The following SLC13A3 variants were observed in gnomAD, a reference collection of about 807,000 sequenced individuals.
SLC13A3 encodes Na(+)/dicarboxylate cotransporter 3.
Under a neutral mutation model 59.0 loss-of-function variants are expected in SLC13A3, and 40 were observed. That is an observed-to-expected ratio of 0.68 (90% CI 0.53 to 0.88). The LOEUF is 0.88. SLC13A3 is among the 40% of genes least tolerant of loss of function. The pLI is 0.00. For synonymous variants in SLC13A3, 317 were observed against 330.3 expected (o/e 0.96, Z 0.44); for missense variants, 699 against 783.2 (o/e 0.89, Z 1.28).
intron 9 of SLC13A3, chr20:46,582,771 T>C: frequency 3.0e-6 from 3 of 985,420 alleles, no homozygotes; most frequent in Non-Finnish European, 3.6e-6. Context: ...AGTTTGATTA[T>C]AGTCCCTATT....
chr20:46,613,436 G>T (rs950758765), intron 2 of SLC13A3, 24 bp downstream of exon 2: 4 of 1,556,224 alleles, frequency 2.6e-6, no homozygotes, highest in South Asian at 1.2e-5. Context: ...CCGCTGTAGG[G>T]CTGGAACCAT....
intron 1 of SLC13A3, among the ~76,000 whole-genome samples, chr20:46,620,813 T>A (rs2062606247): frequency 6.6e-6 from 1 of 152,150 alleles, no homozygotes; most frequent in South Asian, 2.1e-4. Flanking sequence ...GGGCAAACTT[T>A]CCACTTGATG....
upstream of SLC13A3, among the ~76,000 whole-genome samples, chr20:46,653,909 A>G (rs1179885540): frequency 1.3e-5 from 2 of 152,162 alleles, no homozygotes; most frequent in Non-Finnish European, 2.9e-5. Flanking sequence ...ACATAGGTGT[A>G]CAAAGAGTAT....
At chr20:46,653,123 T>G (rs1468241453), upstream of SLC13A3, among the ~76,000 whole-genome samples, 3 of 152,224 alleles carry the variant, frequency 2.0e-5, no homozygotes, top group African/African-American at 7.2e-5. Context: ...ACAGTTGAGT[T>G]TTGAAAGTTC....
intron 1 of SLC13A3, among the ~76,000 whole-genome samples, chr20:46,639,022 G>C (rs543019353): frequency 2.0e-5 from 3 of 152,324 alleles, no homozygotes; most frequent in Non-Finnish European, 2.9e-5. Context: ...CTTTGTCCCT[G>C]AAGGTAGCCA....
chr20:46,660,527 A>T (rs886737498), intron 1 of SLC13A3, among the ~76,000 whole-genome samples: 17 of 152,124 alleles, frequency 1.1e-4, no homozygotes, highest in African/African-American at 4.1e-4. Context: ...GTTCCCCTGT[A>T]AGTAATGCCC....
chr20:46,626,504 G>T (rs2062674331), intron 1 of SLC13A3, among the ~76,000 whole-genome samples: 1 of 152,120 alleles, frequency 6.6e-6, no homozygotes, highest in Admixed American at 6.5e-5. Flanking sequence ...TTGGGGTTTT[G>T]GCAGCAAGTA....
At position 46,596,330 on chromosome 20, in the gene SLC13A3, A is replaced by G; in HGVS notation, c.621T>C (p.Pro207=). 3 of 1,614,068 alleles carry G rather than the reference A, an allele frequency of 1.9e-6. No individual in the cohort carries two copies. Among genetic ancestry groups the G allele is most frequent in the Admixed American group, 1.7e-5 (1 of 60,008 alleles). The change falls in exon 5 of 13, where the codon CCT becomes CCC. Residue 207 remains proline (P), a synonymous_variant. Coordinates refer to ENST00000279027, the MANE Select transcript of SLC13A3 (RefSeq NM_022829.6). ...GATCCAGTGGAACCTCTGTCTCCCC[A>G]GGGTGGTCTTTGCTTTAAACAAATC... is the stretch of plus-strand genomic sequence containing the variant. ...FLASTEAKDH[P]GETEVPLDLP... is the part of the protein sequence containing the mutation.
rs756582967 is a variant in SLC13A3, at chr20:46,596,392, C to T, written c.609-50G>A. 1.2e-5 allele frequency: 18 copies of T among 1,548,956 alleles called. No individual in the cohort carries two copies. The Admixed American group carries it at 2.6e-4, about 22-fold the overall frequency. On this transcript the variant is annotated intron_variant, in intron 4 of 12. Coordinates refer to ENST00000279027, the MANE Select transcript of SLC13A3 (RefSeq NM_022829.6). ...CATTCAGAATACATGGAGAACAGGC[C>T]ACAGACTGCCTGGGAGTTGGGGAGC... is the stretch of plus-strand genomic sequence containing the variant.
At chr20:46,621,612 G>T (rs2062614765) in intron 1 of SLC13A3, among the ~76,000 whole-genome samples, 1 of 152,070 alleles carries the variant, frequency 6.6e-6, no homozygotes, top group Non-Finnish European at 1.5e-5. Context: ...AAAAGTTGTG[G>T]CTCCAAATCC....
At chr20:46,662,519 C>A (rs1232909400) in intron 1 of SLC13A3, among the ~76,000 whole-genome samples, 1 of 152,050 alleles carries the variant, frequency 6.6e-6, no homozygotes, top group Non-Finnish European at 1.5e-5. Flanking sequence ...TTATGGGTAC[C>A]CGATATAGCA....
At chr20:46,618,039 C>G (rs962488050) in intron 1 of SLC13A3, among the ~76,000 whole-genome samples, 1 of 152,102 alleles carries the variant, frequency 6.6e-6, no homozygotes, top group Non-Finnish European at 1.5e-5. Flanking sequence ...AACTCTTGGA[C>G]CCCTTCAGAC....
chr20:46,626,797 T>C (rs2062678242), intron 1 of SLC13A3, among the ~76,000 whole-genome samples: 1 of 134,522 alleles, frequency 7.4e-6, no homozygotes, highest in Admixed American at 7.8e-5. Flanking sequence ...GCCTGTAAAA[T>C]GCTAAGTGGT....
intron 1 of SLC13A3, among the ~76,000 whole-genome samples, chr20:46,663,735 A>G (rs781398438): frequency 6.6e-6 from 1 of 152,200 alleles, no homozygotes; most frequent in Non-Finnish European, 1.5e-5. Flanking sequence ...AGGGAAATTG[A>G]GTAACTTATC....
intron 9 of SLC13A3, 101 bp downstream of exon 9, chr20:46,583,471 C>T: frequency 6.6e-7 from 1 of 1,524,220 alleles, no homozygotes; most frequent in African/African-American, 1.4e-5. Flanking sequence ...GCAGGAAGGA[C>T]CACGTGGTTA....
chr20:46,562,235 A>G (rs1417704368), intron 12 of SLC13A3, among the ~76,000 whole-genome samples: 3 of 152,140 alleles, frequency 2.0e-5, no homozygotes, highest in African/African-American at 7.2e-5. Context: ...TGTGGTTTGA[A>G]TAAGATACCA....
chr20:46,583,332 G>A (rs930942834), intron 9 of SLC13A3: 4 of 1,115,350 alleles, frequency 3.6e-6, no homozygotes, highest in Admixed American at 8.0e-5. Flanking sequence ...TAGCTCACAG[G>A]CTGTTCAAAA....
intron 1 of SLC13A3, among the ~76,000 whole-genome samples, chr20:46,635,902 G>A (rs2062791076): frequency 1.3e-5 from 2 of 152,162 alleles, no homozygotes; most frequent in Non-Finnish European, 2.9e-5. Flanking sequence ...GCATTAGCAT[G>A]CTAAAAGACA....
At chr20:46,638,048 A>G (rs2122842602) in intron 1 of SLC13A3, among the ~76,000 whole-genome samples, 1 of 152,326 alleles carries the variant, frequency 6.6e-6, no homozygotes, top group South Asian at 2.1e-4. Context: ...AACAGGCCTC[A>G]GTCTCCCCTA....
Sources: allele counts gnomAD v4.1 joint callset (sites outside exome capture counted in the v4.1 genomes callset), GRCh38; gene constraint gnomAD v4.1.1; transcripts MANE v1.5; gene names NCBI Gene and HGNC (gene_info 2026-07-23, HGNC 2026-07-21).